The following LOC128462377 variants were observed in gnomAD, a reference collection of about 807,000 sequenced individuals.
the LOC128462377 span, among the ~76,000 whole-genome samples, chr16:89,334,881 C>A: frequency 6.6e-6 from 1 of 152,088 alleles, no homozygotes; most frequent in Non-Finnish European, 1.5e-5. Flanking sequence ...GAGCCAGACA[C>A]GAGTGTGTCT....
At chr16:89,324,569 C>A in the LOC128462377 span, 1 of 454,326 alleles carries the variant, frequency 2.2e-6, no homozygotes, top group Non-Finnish European at 4.4e-6. Context: ...ACGAACCCTC[C>A]ATCTGGGGGG....
At chr16:89,405,434 C>T in the LOC128462377 span, among the ~76,000 whole-genome samples, 2 of 151,930 alleles carry the variant, frequency 1.3e-5, no homozygotes, top group African/African-American at 2.4e-5. Flanking sequence ...GGCGATCCTC[C>T]CACCTCGGCT....
At chr16:89,342,299 T>C in the LOC128462377 span, among the ~76,000 whole-genome samples, 1 of 152,258 alleles carries the variant, frequency 6.6e-6, no homozygotes, top group African/African-American at 2.4e-5. Flanking sequence ...CAGCCCAGGC[T>C]CAGACCTCAG....
chr16:89,402,638 G>C, the LOC128462377 span, among the ~76,000 whole-genome samples: 5 of 150,636 alleles, frequency 3.3e-5, no homozygotes, highest in African/African-American at 7.3e-5. Context: ...GCTGTGGGTG[G>C]GGGGGGCAGC....
At chr16:89,376,363 C>A in the LOC128462377 span, among the ~76,000 whole-genome samples, 1 of 152,158 alleles carries the variant, frequency 6.6e-6, no homozygotes, top group African/African-American at 2.4e-5. Flanking sequence ...CTTCTGCCAA[C>A]CAAGAGGTAG....
chr16:89,385,085 C>A, the LOC128462377 span, among the ~76,000 whole-genome samples: 1 of 151,874 alleles, frequency 6.6e-6, no homozygotes, highest in Non-Finnish European at 1.5e-5. Context: ...GATATTTCAC[C>A]ATGTTGGCCA....
the LOC128462377 span, among the ~76,000 whole-genome samples, chr16:89,370,203 C>T: frequency 6.6e-6 from 1 of 152,232 alleles, no homozygotes; most frequent in African/African-American, 2.4e-5. Flanking sequence ...GGTGGAGCTG[C>T]TTCTTCTCAG....
chr16:89,356,038 G>A, the LOC128462377 span, among the ~76,000 whole-genome samples: 23 of 152,274 alleles, frequency 1.5e-4, no homozygotes, highest in Admixed American at 1.3e-3. Context: ...CCCAGATAGC[G>A]CCCCTGCACT....
the LOC128462377 span, among the ~76,000 whole-genome samples, chr16:89,393,057 G>T: frequency 6.6e-6 from 1 of 151,808 alleles, no homozygotes; most frequent in African/African-American, 2.4e-5. Context: ...ACCCTCAGTG[G>T]AGCCTCCGGC....
chr16:89,362,196 CCTT>C, the LOC128462377 span, among the ~76,000 whole-genome samples: 2 of 152,300 alleles, frequency 1.3e-5, no homozygotes, highest in East Asian at 3.9e-4. Flanking sequence ...ATACCAACTG[CCTT>C]CTTCTTCCCC....
At chr16:89,353,662 T>A in the LOC128462377 span, among the ~76,000 whole-genome samples, 1 of 152,142 alleles carries the variant, frequency 6.6e-6, no homozygotes, top group African/African-American at 2.4e-5. Flanking sequence ...GTATTTTTAG[T>A]AGAGACAGGG....
the LOC128462377 span, among the ~76,000 whole-genome samples, chr16:89,397,826 C>G: frequency 6.6e-6 from 1 of 152,222 alleles, no homozygotes; most frequent in South Asian, 2.1e-4. Context: ...ACAAGCGGCC[C>G]GTGCCACGTC....
At chr16:89,383,508 G>T in the LOC128462377 span, among the ~76,000 whole-genome samples, 1 of 152,236 alleles carries the variant, frequency 6.6e-6, no homozygotes, top group Non-Finnish European at 1.5e-5. Context: ...ATGTCCAGTG[G>T]ACGCTGCTGC....
At chr16:89,324,751 T>C in the LOC128462377 span, 27 of 314,804 alleles carry the variant, frequency 8.6e-5, no homozygotes, top group African/African-American at 4.4e-4. Context: ...CCAGGGGTTC[T>C]TGGGCCTTCG....
chr16:89,401,358 G>A, the LOC128462377 span, among the ~76,000 whole-genome samples: 2 of 152,092 alleles, frequency 1.3e-5, no homozygotes, highest in South Asian at 2.1e-4. Flanking sequence ...ATTACAGCAC[G>A]AGCCACTGCG....
At chr16:89,376,448 G>GTTTTTTTTTTTTTTTTT in the LOC128462377 span, among the ~76,000 whole-genome samples, 1 of 152,106 alleles carries the variant, frequency 6.6e-6, no homozygotes, top group Non-Finnish European at 1.5e-5. Flanking sequence ...TTTTGTTTTT[G>GTTTTTTTTTTTTTTTTT]TTTTTTTGAG....
the LOC128462377 span, among the ~76,000 whole-genome samples, chr16:89,377,905 C>T: frequency 6.6e-6 from 1 of 152,030 alleles, no homozygotes; most frequent in Admixed American, 6.6e-5. Flanking sequence ...CCTCCTTCTA[C>T]TCAATGAAAT....
the LOC128462377 span, among the ~76,000 whole-genome samples, chr16:89,321,792 G>C: frequency 2.0e-5 from 3 of 152,104 alleles, no homozygotes; most frequent in Admixed American, 6.5e-5. Flanking sequence ...CCTGGGTCTG[G>C]GTTTGCACTG....
At chr16:89,337,007 C>CAAAAAAAA in the LOC128462377 span, among the ~76,000 whole-genome samples, 13 of 47,742 alleles carry the variant, frequency 2.7e-4, no homozygotes, top group Non-Finnish European at 4.9e-4. Context: ...CTGGCTCTAC[C>CAAAAAAAA]AAAAAAAAAA....
Sources: allele counts gnomAD v4.1 joint callset (sites outside exome capture counted in the v4.1 genomes callset), GRCh38; gene constraint gnomAD v4.1.1; transcripts MANE v1.5.